HACE1: variants seen among roughly 807,000 people sequenced by gnomAD.
The protein encoded by HACE1 is HECT domain and ankyrin repeat containing E3 ubiquitin protein ligase 1.
In HACE1, 73 loss-of-function variants were observed where a neutral mutation model predicts 118.4. The observed-to-expected ratio is 0.62, with a 90% CI of 0.51 to 0.75. The LOEUF (loss-of-function observed/expected upper bound fraction) is 0.75. Ranked by LOEUF, HACE1 falls within the 30% of genes least tolerant of loss-of-function variation. The pLI is 0.00. For synonymous variants in HACE1, 368 were observed against 374.8 expected (o/e 0.98, Z 0.21); for missense variants, 749 against 1,102.2 (o/e 0.68, Z 4.54).
intron 5 of HACE1, among the ~76,000 whole-genome samples, chr6:104,839,495 C>T (rs1471359359): frequency 1.3e-5 from 2 of 152,020 alleles, no homozygotes; most frequent in East Asian, 3.9e-4. Context: ...TTAATGGTTG[C>T]TATAGGTTAG....
intron 7 of HACE1, among the ~76,000 whole-genome samples, chr6:104,804,886 C>T (rs952461559): frequency 6.6e-6 from 1 of 152,138 alleles, no homozygotes; most frequent in Non-Finnish European, 1.5e-5. Flanking sequence ...AGAGCTTCTG[C>T]ACAGCAAAAG....
chr6:104,734,142 C>CAAAA (rs11370746), intron 22 of HACE1, among the ~76,000 whole-genome samples: 43 of 87,020 alleles, frequency 4.9e-4, no homozygotes, highest in Middle Eastern at 7.7e-3. Flanking sequence ...GACTCTTCCT[C>CAAAA]AAAAAAAAAA....
chr6:104,850,828 T>C lies in HACE1; in HGVS notation c.221+79A>G, dbSNP rs1209074459. The stretch of plus-strand genomic sequence containing the variant: ...GTCTGTTCTCATCTCTCCCCAGAAA[T>C]ATTGTGTGATAATGCTGTTCAAAGC... On this transcript the variant is annotated intron_variant, in intron 3 of 23. Transcript: ENST00000262903. 8 of 898,250 alleles carry C rather than the reference T, an allele frequency of 8.9e-6. No individual in the cohort carries two copies. In the East Asian group the frequency reaches 1.2e-4, roughly 14 times the overall value. 55.6% of individuals were successfully genotyped at this position (898,250 alleles called of 1,614,324 possible). A position where few individuals can be genotyped will look rare whatever the true frequency, so the allele number is the denominator to read the frequency against.
At position 104,859,884 on chromosome 6, in the gene HACE1, C is replaced by G. The variant is rs975448224; in HGVS notation, c.-242G>C. 1.5e-5 allele frequency: 7 copies of G among 480,628 alleles called. No homozygotes were observed. The highest frequency in any genetic ancestry group is 4.1e-5 in the African/African-American group (2 of 48,250). The allele number at this position is 480,628 out of a possible 1,614,324, so 29.8% of individuals were successfully genotyped here. A position where few individuals can be genotyped will look rare whatever the true frequency, so the allele number is the denominator to read the frequency against. ...CTGCTCGCGCCTTTCCTGCAGCCCC[C>G]GCCGCCGCGTCCCTCCCGGGCTCGC... On this transcript the variant is annotated 5_prime_UTR_variant, in exon 1 of 24. Transcript: ENST00000262903.
chr6:104,756,856 C>T lies in HACE1; in HGVS notation c.2212-6384G>A, dbSNP rs1778756154. On this transcript the variant is annotated intron_variant, in intron 19 of 23. Coordinates refer to ENST00000262903, the MANE Select transcript of HACE1 (RefSeq NM_020771.4). The stretch of plus-strand genomic sequence containing the variant: ...ACTCCTGCCCAAATAATGCACTTTT[C>T]CCACAGTCTTCGCAACTGGCAGACC... Among the ~76,000 whole-genome samples, 6 of 152,342 alleles carry T rather than the reference C, an allele frequency of 3.9e-5. No individual in the cohort carries two copies. The South Asian group carries it at 1.2e-3, about 32-fold the overall frequency.
rs1234734534 is a variant in HACE1, at chr6:104,784,082, C to A, written c.1566+4G>T. 5 of 1,484,840 alleles carry A rather than the reference C, an allele frequency of 3.4e-6. No homozygotes were observed. In the African/African-American group the frequency reaches 6.9e-5, roughly 20 times the overall value. The allele number at this position is 1,484,840 out of a possible 1,614,324, so 92.0% of individuals were successfully genotyped here. ...AGAATAAAAAGATGAAGAAAAATTT[C>A]TACCTGTGCTTTTATGATATGCATG... On this transcript the variant is annotated splice_donor_region_variant and intron_variant, in intron 14 of 23. Coordinates refer to ENST00000262903, the MANE Select transcript of HACE1 (RefSeq NM_020771.4).
chr6:104,771,195 T>C lies in HACE1; in HGVS notation c.2209A>G (p.Lys737Glu). The change falls in exon 19 of 24, where the codon AAA (lysine) becomes GAA (glutamate). Residue 737 changes from lysine to glutamate, a missense_variant and splice_region_variant. Around this residue, in one of 5 missense-constraint regions of HACE1, gnomAD observed 165 missense variants for 229.9 expected, o/e 0.72. Transcript: ENST00000262903. Reference sequence around the variant, plus strand: ...AAGGTAAAAACTGAAATACTCACTTTATTATTTTGTGTCACAAGAATACTC... The same window carrying C: ...AAGGTAAAAACTGAAATACTCACTTCATTATTTTGTGTCACAAGAATACTC... ...GGSILVTQNN[K>E]AEYVQLVTEL... 1 of 1,605,478 alleles carries C rather than the reference T, an allele frequency of 6.2e-7. No individual in the cohort carries two copies. The highest frequency in any genetic ancestry group is 8.5e-7 in the Non-Finnish European group (1 of 1,172,100).
At chr6:104,787,109 C>T (rs1047134169) in intron 11 of HACE1, 3 of 152,150 alleles carry the variant, frequency 2.0e-5, no homozygotes, top group African/African-American at 7.2e-5. Context: ...TTCATTTACA[C>T]GTTCAACCAA....
Position 104,859,643 on chromosome 6 carries a change from C to G in HACE1, c.-1G>C. On this transcript the variant is annotated 5_prime_UTR_variant, in exon 1 of 24. Transcript: ENST00000262903. ...TGAGTTGCTCCATCGCTCTCTCCAT[C>G]CTCGGCGCGCCCTCCGCGATCCTCC... is the stretch of plus-strand genomic sequence containing the variant. 6.5e-7 allele frequency: 1 copy of G among 1,532,254 alleles called. No homozygotes were observed. Among genetic ancestry groups the G allele is most frequent in the Non-Finnish European group, 8.7e-7 (1 of 1,142,960 alleles). 94.9% of individuals were successfully genotyped at this position (1,532,254 alleles called of 1,614,324 possible). A position where few individuals can be genotyped will look rare whatever the true frequency, so the allele number is the denominator to read the frequency against.
At chr6:104,778,214 T>A (rs1359632333) in intron 14 of HACE1, among the ~76,000 whole-genome samples, 1 of 152,170 alleles carries the variant, frequency 6.6e-6, no homozygotes, top group Non-Finnish European at 1.5e-5. Flanking sequence ...ATCTGCCAGG[T>A]AAGCAAACTG....
intron 7 of HACE1, among the ~76,000 whole-genome samples, chr6:104,798,745 A>G (rs1361594062): frequency 6.6e-6 from 1 of 152,216 alleles, no homozygotes; most frequent in African/African-American, 2.4e-5. Context: ...ACGCCTAAAA[A>G]TAGAGGCCAA....
At chr6:104,736,007 T>A (rs1775786277) in intron 22 of HACE1, among the ~76,000 whole-genome samples, 1 of 151,908 alleles carries the variant, frequency 6.6e-6, no homozygotes, top group Admixed American at 6.6e-5. Flanking sequence ...ATTGTATATG[T>A]GTTAAAAATT....
At chr6:104,752,647 G>A (rs911818081) in intron 19 of HACE1, among the ~76,000 whole-genome samples, 5 of 151,930 alleles carry the variant, frequency 3.3e-5, no homozygotes, top group African/African-American at 9.6e-5. Flanking sequence ...TCATGTGAAC[G>A]TTACCTATTT....
At chr6:104,813,358 G>A (rs751025231) in intron 6 of HACE1, among the ~76,000 whole-genome samples, 1 of 137,942 alleles carries the variant, frequency 7.2e-6, no homozygotes, top group Non-Finnish European at 1.6e-5. Context: ...GCATGGTGCT[G>A]CATGCAAGAC....
intron 19 of HACE1, among the ~76,000 whole-genome samples, chr6:104,768,289 A>C (rs1309988167): frequency 6.6e-6 from 1 of 152,160 alleles, no homozygotes; most frequent in Non-Finnish European, 1.5e-5. Flanking sequence ...TCGAACTCTA[A>C]ACATGACAAA....
At chr6:104,783,628 A>G (rs1781992634) in intron 14 of HACE1, among the ~76,000 whole-genome samples, 1 of 152,224 alleles carries the variant, frequency 6.6e-6, no homozygotes, top group African/African-American at 2.4e-5. Context: ...ATGAACAGGT[A>G]CACATCTGGT....
chr6:104,773,637 G>C (rs1209878093), intron 17 of HACE1, among the ~76,000 whole-genome samples: 1 of 152,032 alleles, frequency 6.6e-6, no homozygotes, highest in Non-Finnish European at 1.5e-5. Context: ...TTAAAATAAT[G>C]AATGATTACA....
chr6:104,791,442 T>C (rs1353949721), intron 11 of HACE1, 62 bp downstream of exon 11: 2 of 1,414,118 alleles, frequency 1.4e-6, no homozygotes, highest in Admixed American at 1.7e-5. Flanking sequence ...AATGAATGCA[T>C]GCTTTGTCAA....
At chr6:104,782,838 T>C (rs1315156902) in intron 14 of HACE1, among the ~76,000 whole-genome samples, 2 of 152,200 alleles carry the variant, frequency 1.3e-5, no homozygotes, top group Non-Finnish European at 2.9e-5. Flanking sequence ...CCTAAAGACA[T>C]TAAAAACCAC....
Sources: allele counts gnomAD v4.1 joint callset (sites outside exome capture counted in the v4.1 genomes callset), GRCh38; gene constraint gnomAD v4.1.1; regional missense constraint gnomAD v4.1.1; transcripts MANE v1.5; gene names NCBI Gene and HGNC (gene_info 2026-07-23, HGNC 2026-07-21).